Variants in IL1RAPL1 observed in about 807,000 individuals in gnomAD.
The protein encoded by IL1RAPL1 is interleukin 1 receptor accessory protein like 1.
IL1RAPL1 carries 3 observed loss-of-function variants against 48.4 expected under a neutral mutation model. The ratio of observed to expected loss-of-function variants is 0.06; its 90% CI spans 0.03 to 0.16. The LOEUF (loss-of-function observed/expected upper bound fraction) is 0.16, where lower values mean the gene tolerates loss of function less well. IL1RAPL1 is among the 10% of genes least tolerant of loss of function. The probability of loss-of-function intolerance (pLI) is 1.00; values close to 1 mark genes in which losing one functional copy is unlikely to be tolerated. For synonymous variants in IL1RAPL1, 185 were observed against 187.7 expected (o/e 0.99, Z 0.12); for missense variants, 349 against 530.6 (o/e 0.66, Z 3.36).
intron 2 of IL1RAPL1, among the ~76,000 whole-genome samples, chrX:29,272,839 T>A (rs901846254): frequency 1.3e-4 from 15 of 112,045 alleles, no homozygotes; most frequent in African/African-American, 4.9e-4. Flanking sequence ...TCATTCTTCT[T>A]TATTCTTTTT....
At chrX:28,850,451 G>A (rs1201301754) in intron 2 of IL1RAPL1, among the ~76,000 whole-genome samples, 2 of 110,690 alleles carry the variant, frequency 1.8e-5, no homozygotes, top group Non-Finnish European at 3.8e-5. Context: ...AGGGATGTGG[G>A]AACTCCACTG....
chrX:28,766,694 A>G (rs719233), intron 1 of IL1RAPL1, among the ~76,000 whole-genome samples: 48,099 of 108,581 alleles, frequency 0.44, 7,933 homozygotes, highest in Middle Eastern at 0.63. Context: ...ATCCCCCATT[A>G]CCCTTCCCAG....
At chrX:29,495,034 C>G (rs985439957) in intron 5 of IL1RAPL1, among the ~76,000 whole-genome samples, 2 of 111,974 alleles carry the variant, frequency 1.8e-5, no homozygotes, top group Non-Finnish European at 3.8e-5. Flanking sequence ...TACTGGGACT[C>G]TGGTACACTG....
intron 5 of IL1RAPL1, among the ~76,000 whole-genome samples, chrX:29,656,488 G>C (rs1925685463): frequency 9.0e-6 from 1 of 110,799 alleles, no homozygotes; most frequent in African/African-American, 3.3e-5. Flanking sequence ...TCATATCTTA[G>C]CTCCCACTTA....
chrX:28,721,975 C>G (rs1246080445), intron 1 of IL1RAPL1, among the ~76,000 whole-genome samples: 1 of 111,719 alleles, frequency 9.0e-6, no homozygotes, highest in Non-Finnish European at 1.9e-5. Context: ...GGTACCAGTA[C>G]CATGCTGTTT....
intron 3 of IL1RAPL1, among the ~76,000 whole-genome samples, chrX:29,333,799 C>T (rs1376501031): frequency 1.6e-4 from 1 of 6,324 alleles, no homozygotes; most frequent in East Asian, 4.3e-3. Context: ...GGCTGGCCGA[C>T]CCCCCCCCCC....
intron 1 of IL1RAPL1, among the ~76,000 whole-genome samples, chrX:28,612,399 G>C (rs990920566): frequency 8.0e-5 from 9 of 111,814 alleles, no homozygotes; most frequent in African/African-American, 2.6e-4. Context: ...GACCCCGGGC[G>C]GGGCGTTTTA....
chrX:29,112,538 C>G (rs992382344), intron 2 of IL1RAPL1, among the ~76,000 whole-genome samples: 3 of 108,512 alleles, frequency 2.8e-5, no homozygotes, highest in Admixed American at 2.0e-4. Context: ...CTATTCTTCC[C>G]CTACTGAACT....
At chrX:29,037,582 A>G (rs1412781668) in intron 2 of IL1RAPL1, among the ~76,000 whole-genome samples, 1 of 111,786 alleles carries the variant, frequency 8.9e-6, no homozygotes, top group Admixed American at 9.5e-5. Flanking sequence ...GTGCTTTTCA[A>G]ATTGTATTTC....
At chrX:29,608,182 C>T (rs1273977345) in intron 5 of IL1RAPL1, among the ~76,000 whole-genome samples, 2 of 111,447 alleles carry the variant, frequency 1.8e-5, no homozygotes, top group Non-Finnish European at 3.8e-5. Flanking sequence ...CATATGGCCT[C>T]TTTCTTTAAC....
Position 29,836,321 on chromosome X carries a change from G to A in IL1RAPL1, c.779-81143G>A, listed in dbSNP as rs969105683. 1.2e-4 allele frequency among the ~76,000 whole-genome samples: 13 copies of A among 108,402 alleles called. No individual in the cohort carries two copies. In the Admixed American group the frequency reaches 1.3e-3, roughly 11 times the overall value. 94.1% of individuals were successfully genotyped at this position (108,402 alleles called of 115,157 possible). A position where few individuals can be genotyped will look rare whatever the true frequency, so the allele number is the denominator to read the frequency against. On this transcript the variant is annotated intron_variant, in intron 6 of 10. Transcript: ENST00000378993. ...TTCTCCTGCCCCAGCCTCCCGAGTA[G>A]CTGGGATTACAGGTGTGCGCCACCA...
chrX:29,123,309 C>T (rs1000644981), intron 2 of IL1RAPL1, among the ~76,000 whole-genome samples: 20 of 111,394 alleles, frequency 1.8e-4, no homozygotes, highest in Admixed American at 7.7e-4. Context: ...GGATTACACC[C>T]GGCCCAATAG....
At chrX:28,970,959 T>C (rs1319338858) in intron 2 of IL1RAPL1, among the ~76,000 whole-genome samples, 1 of 111,645 alleles carries the variant, frequency 9.0e-6, no homozygotes, top group Non-Finnish European at 1.9e-5. Context: ...TGTAGAATAT[T>C]TATATGTAGT....
chrX:29,072,225 GAA>G (rs1373264806), intron 2 of IL1RAPL1, among the ~76,000 whole-genome samples: 2 of 99,701 alleles, frequency 2.0e-5, no homozygotes, highest in African/African-American at 7.2e-5. Context: ...ACTCATTAAG[GAA>G]AAAAAAAAAA....
chrX:28,736,431 CAAA>C (rs34112747), intron 1 of IL1RAPL1, among the ~76,000 whole-genome samples: 2 of 89,570 alleles, frequency 2.2e-5, no homozygotes, highest in African/African-American at 4.1e-5. Flanking sequence ...GAGACTGTCT[CAAA>C]AAAAAAAAAA....
intron 1 of IL1RAPL1, among the ~76,000 whole-genome samples, chrX:28,652,361 T>A (rs758621375): frequency 8.9e-6 from 1 of 112,014 alleles, no homozygotes; most frequent in South Asian, 3.8e-4. Flanking sequence ...TTTGCAAGCA[T>A]CTTTATTACA....
At chrX:29,828,006 G>A (rs1460837817) in intron 6 of IL1RAPL1, among the ~76,000 whole-genome samples, 1 of 111,946 alleles carries the variant, frequency 8.9e-6, no homozygotes, top group Non-Finnish European at 1.9e-5. Context: ...TGTCTAAGCT[G>A]TAGGCCCTAC....
intron 1 of IL1RAPL1, among the ~76,000 whole-genome samples, chrX:28,653,500 C>T (rs189537956): frequency 6.7e-4 from 74 of 110,493 alleles, no homozygotes; most frequent in African/African-American, 2.3e-3. Context: ...TTCTTTGGGT[C>T]AGGCTGCCCT....
intron 6 of IL1RAPL1, among the ~76,000 whole-genome samples, chrX:29,794,207 C>T (rs1019514424): frequency 1.8e-5 from 2 of 111,224 alleles, no homozygotes; most frequent in Non-Finnish European, 3.8e-5. Flanking sequence ...AAATTCAAAA[C>T]TGTACTTGAA....
Sources: allele counts gnomAD v4.1 joint callset (sites outside exome capture counted in the v4.1 genomes callset), GRCh38; gene constraint gnomAD v4.1.1; transcripts MANE v1.5; gene names NCBI Gene and HGNC (gene_info 2026-07-23, HGNC 2026-07-21).